The following NAV3 variants were observed in gnomAD, a reference collection of about 807,000 sequenced individuals.
NAV3 encodes neuron navigator 3.
NAV3 carries 87 observed loss-of-function variants against 244.7 expected under a neutral mutation model. That is an observed-to-expected ratio of 0.36 (90% CI 0.30 to 0.42). The LOEUF (loss-of-function observed/expected upper bound fraction) is 0.42, where lower values mean the gene tolerates loss of function less well. Among genes scored for constraint, NAV3 ranks in the 20% least tolerant of loss-of-function variants. The pLI is 1.00. For synonymous variants in NAV3, 1,126 were observed against 1,042.2 expected, an observed-to-expected ratio of 1.08 and a Z score of -1.55; for missense variants, 2,663 against 2,893.3, an observed-to-expected ratio of 0.92 and a Z score of 1.83.
intron 2 of NAV3, among the ~76,000 whole-genome samples, chr12:77,744,651 T>G (rs1314092348): frequency 6.6e-6 from 1 of 151,970 alleles, no homozygotes; most frequent in Non-Finnish European, 1.5e-5. Context: ...TGGACGCATA[T>G]ATAGAACACT....
intron 1 of NAV3, among the ~76,000 whole-genome samples, chr12:77,874,810 G>A (rs528649535): frequency 6.6e-6 from 1 of 152,134 alleles, no homozygotes; most frequent in South Asian, 2.1e-4. Flanking sequence ...TTATTATAAT[G>A]AATCAATGAA....
chr12:77,977,706 A>ACACACACG (rs1555248308), intron 5 of NAV3, among the ~76,000 whole-genome samples: 2 of 90,704 alleles, frequency 2.2e-5, no homozygotes, highest in East Asian at 3.2e-4. Flanking sequence ...ACACACACAC[A>ACACACACG]CACGCGCACA....
chr12:77,969,613 G>A lies in NAV3; in HGVS notation c.671+911G>A, dbSNP rs147998003. ...TGTATTCCCAGCACTTTGGGAGGCC[G>A]AGGTGGATGTATCACAAGGTCAGGA... On this transcript the variant is annotated intron_variant, in intron 5 of 39. Coordinates refer to ENST00000397909, the MANE Select transcript of NAV3 (RefSeq NM_001024383.2). Among the ~76,000 whole-genome samples, 548 of 152,258 alleles carry A rather than the reference G, an allele frequency of 3.6e-3. 4 individuals carry two copies. Among genetic ancestry groups the A allele is most frequent in the African/African-American group, 0.012 (503 of 41,540 alleles).
At position 78,181,020 on chromosome 12, in the gene NAV3, G is replaced by A. The variant is rs777110341; in HGVS notation, c.5667G>A (p.Leu1889=). 3.7e-6 allele frequency: 6 copies of A among 1,612,920 alleles called. No individual in the cohort carries two copies. The highest frequency in any genetic ancestry group is 5.1e-6 in the Non-Finnish European group (6 of 1,179,232). Residue 1889 remains leucine (L), a synonymous_variant, in exon 30 of 40, where the codon TTG becomes TTA. Coordinates refer to ENST00000397909, the MANE Select transcript of NAV3 (RefSeq NM_001024383.2). ...RQSLGLSLNN[L]NITEAVSSDI... is the part of the protein sequence containing the mutation. ...CATTAGGACTTTCTCTAAACAATTT[G>A]AACATCACAGAGGCTGTTAGCTCAG... is the stretch of plus-strand genomic sequence containing the variant.
chr12:77,807,907 GT>G (rs1161038791), intron 2 of NAV3, among the ~76,000 whole-genome samples: 1 of 152,028 alleles, frequency 6.6e-6, no homozygotes, highest in African/African-American at 2.4e-5. Flanking sequence ...TTGTCTTCAT[GT>G]TTTATTTCAC....
At chr12:77,768,954 C>T (rs565950005) in intron 2 of NAV3, among the ~76,000 whole-genome samples, 2 of 152,292 alleles carry the variant, frequency 1.3e-5, no homozygotes, top group East Asian at 3.9e-4. Flanking sequence ...TCAACATTGC[C>T]CTTCCTCAAA....
intron 2 of NAV3, among the ~76,000 whole-genome samples, chr12:77,723,671 T>C (rs1244251728): frequency 6.6e-6 from 1 of 150,838 alleles, no homozygotes; most frequent in Non-Finnish European, 1.5e-5. Context: ...GGAGGGTCAA[T>C]TGGAAGATCC....
In NAV3 at chr12:78,128,976, A is replaced by G; in HGVS notation, c.4441+110A>G. 9.9e-6 allele frequency: 10 copies of G among 1,013,550 alleles called. No individual in the cohort carries two copies. In the South Asian group the frequency reaches 1.5e-4, roughly 15 times the overall value. 62.8% of individuals were successfully genotyped at this position (1,013,550 alleles called of 1,614,324 possible). On this transcript the variant is annotated intron_variant, in intron 18 of 39. Coordinates refer to ENST00000397909, the MANE Select transcript of NAV3 (RefSeq NM_001024383.2). ...CACGTTTTCATTTAAAGGGAGGGAT[A>G]AAAGCACTTTAACAGTACCTTTCAT... is the stretch of plus-strand genomic sequence containing the variant.
At chr12:77,937,223 CAA>C (rs928344999) in intron 1 of NAV3, among the ~76,000 whole-genome samples, 22 of 152,258 alleles carry the variant, frequency 1.4e-4, no homozygotes, top group African/African-American at 5.1e-4. Context: ...ACGGCCTGAG[CAA>C]AGTTTCAGAT....
In NAV3 at chr12:78,122,272, C is replaced by T. The variant is rs751841384; in HGVS notation, c.4082C>T (p.Pro1361Leu). 14 of 1,614,034 alleles carry T rather than the reference C, an allele frequency of 8.7e-6. No individual in the cohort carries two copies. The highest frequency in any genetic ancestry group is 1.3e-5 in the African/African-American group (1 of 74,916). The change falls in exon 16 of 40, where the codon CCG becomes CTG. Residue 1361 changes from proline (P) to leucine (L), a missense_variant. By Grantham distance (98) the Pro-to-Leu change is moderately conservative. Coordinates refer to ENST00000397909, the MANE Select transcript of NAV3 (RefSeq NM_001024383.2). Reference sequence around the variant, plus strand: ...TCCTCTGCAGGCAGCAAGGATACTCCGAGCTACCAGTCCATGACTAGCCTC... The same window carrying T: ...TCCTCTGCAGGCAGCAAGGATACTCTGAGCTACCAGTCCATGACTAGCCTC... ...SSSSAGSKDT[P>L]SYQSMTSLHT...
chr12:78,178,163 T>G (rs901102438), intron 28 of NAV3, among the ~76,000 whole-genome samples: 2 of 102,810 alleles, frequency 1.9e-5, no homozygotes, highest in African/African-American at 4.6e-5. Context: ...AAATAGTGTT[T>G]TTTTTTTTTT....
intron 30 of NAV3, 120 bp from the exon 31 acceptor site, chr12:78,185,481 C>G: frequency 1.2e-6 from 1 of 813,024 alleles, no homozygotes; most frequent in Non-Finnish European, 1.9e-6. Flanking sequence ...ATCAGTTAGG[C>G]TAGAATGGGA....
At chr12:77,773,225 A>T (rs1193839467) in intron 2 of NAV3, among the ~76,000 whole-genome samples, 1 of 53,276 alleles carries the variant, frequency 1.9e-5, no homozygotes, top group Non-Finnish European at 4.3e-5. Flanking sequence ...CTTTGCTAAA[A>T]GCATTGTTTT....
At chr12:77,660,289 C>G (rs1044989182) in intron 2 of NAV3, among the ~76,000 whole-genome samples, 1 of 151,976 alleles carries the variant, frequency 6.6e-6, no homozygotes. Flanking sequence ...AAAATTTTAC[C>G]AAGCAGGTCT....
chr12:77,723,319 A>G (rs1174170759), intron 2 of NAV3, among the ~76,000 whole-genome samples: 1 of 151,784 alleles, frequency 6.6e-6, no homozygotes, highest in Non-Finnish European at 1.5e-5. Flanking sequence ...TCAGTTTTGC[A>G]AAACTATAAT....
chr12:77,687,729 A>T (rs1874821223), intron 2 of NAV3, among the ~76,000 whole-genome samples: 1 of 152,088 alleles, frequency 6.6e-6, no homozygotes, highest in African/African-American at 2.4e-5. Flanking sequence ...ATAAACTTAG[A>T]TCGGTTCCAT....
At chr12:77,615,718 C>A (rs1464494263) in intron 2 of NAV3, among the ~76,000 whole-genome samples, 1 of 152,100 alleles carries the variant, frequency 6.6e-6, no homozygotes, top group East Asian at 1.9e-4. Context: ...GATTTATTTT[C>A]CTTTGGGTAT....
chr12:78,129,325 GA>G (rs1332555687), intron 18 of NAV3, among the ~76,000 whole-genome samples: 1 of 152,010 alleles, frequency 6.6e-6, no homozygotes, highest in African/African-American at 2.4e-5. Context: ...GTAGAAAATA[GA>G]AACAATTAGG....
At chr12:77,823,399 T>C (rs144294571) in intron 2 of NAV3, among the ~76,000 whole-genome samples, 4 of 152,158 alleles carry the variant, frequency 2.6e-5, no homozygotes, top group Admixed American at 6.5e-5. Context: ...AGAGGACTTA[T>C]AGAGGAAACA....
Sources: gnomAD v4.1 joint callset for allele counts (sites outside exome capture counted in the v4.1 genomes callset) on GRCh38, gnomAD v4.1.1 for gene constraint, MANE v1.5 for transcripts, NCBI Gene and HGNC (gene_info 2026-07-23, HGNC 2026-07-21) for gene names.